Variants in ADAMTS17 observed in about 807,000 individuals in gnomAD.
ADAMTS17 encodes the protein A disintegrin and metalloproteinase with thrombospondin motifs 17.
ADAMTS17 carries 113 observed loss-of-function variants against 141.5 expected under a neutral mutation model. That is an observed-to-expected ratio of 0.80 (90% CI 0.69 to 0.93). The LOEUF (loss-of-function observed/expected upper bound fraction) is 0.93. Among genes scored for constraint, ADAMTS17 ranks in the 40% least tolerant of loss-of-function variants. ADAMTS17 has a pLI of 0.00. For missense variants in ADAMTS17, 1,659 were observed against 1,517.9 expected (o/e 1.09, Z -1.54); for synonymous variants, 768 against 630.6 (o/e 1.22, Z -3.27).
At chr15:100,271,810 C>G (rs558976104) in intron 4 of ADAMTS17, among the ~76,000 whole-genome samples, 31 of 152,288 alleles carry the variant, frequency 2.0e-4, no homozygotes, top group African/African-American at 7.0e-4. Context: ...ACTGCCAAAT[C>G]AAATCTCACA....
chr15:100,244,717 C>T (rs887786661), intron 7 of ADAMTS17, among the ~76,000 whole-genome samples: 2 of 152,062 alleles, frequency 1.3e-5, no homozygotes, highest in Admixed American at 6.6e-5. Context: ...TCTCAGCCTG[C>T]GATTTCCTCG....
rs4369638 is a variant in ADAMTS17, at chr15:100,254,158, C to T, written c.1053G>A (p.Lys351=). The change falls in exon 7 of 22, where the codon AAG becomes AAA. Residue 351 remains lysine (K), a synonymous_variant. Transcript: ENST00000268070. ...TACCAACAGTGTCACACGGTTCATC[C>T]TTGTGTACACAGAAATCTGTCCTAA... ...FVTRTDFCVH[K]DEPCDTVGIA... is the part of the protein sequence containing the mutation. 0.73 allele frequency: 1,173,617 copies of T among 1,611,278 alleles called. 429,738 individuals carry two copies. Among genetic ancestry groups the T allele is most frequent in the East Asian group, 0.9 (40,268 of 44,864 alleles).
In ADAMTS17 at chr15:100,116,858, A is replaced by G. The variant is rs774035114; in HGVS notation, c.1877T>C (p.Val626Ala). The stretch of plus-strand genomic sequence containing the variant: ...CCATATGCCTTTACCGTCAACCACC[A>G]CGGCTGTCAGCAGGCCTTTCTTCTT... ...SPKKKGLLTA[V>A]VVDDKPCELY... Residue 626 changes from valine (V) to alanine (A), a missense_variant, in exon 13 of 22, where the codon GTG (valine) becomes GCG (alanine). Transcript: ENST00000268070. 4.7e-5 allele frequency: 76 copies of G among 1,614,022 alleles called. No homozygotes were observed. The East Asian group carries it at 1.3e-3, about 27-fold the overall frequency.
rs113378221 is a variant in ADAMTS17, at chr15:100,243,680, C to T, written c.1075+10456G>A. ...TGGCGCATGCCTGTAATCCCAGCTA[C>T]GTGGGAGGCTGAGGCAGGAGAACTG... On this transcript the variant is annotated intron_variant, in intron 7 of 21. Coordinates refer to ENST00000268070, the MANE Select transcript of ADAMTS17 (RefSeq NM_139057.4). 5.2e-3 allele frequency among the ~76,000 whole-genome samples: 787 copies of T among 151,632 alleles called. 5 individuals carry two copies. The highest frequency in any genetic ancestry group is 0.021 in the Middle Eastern group (6 of 292).
chr15:100,125,107 T>A (rs2037662724), intron 12 of ADAMTS17, among the ~76,000 whole-genome samples: 1 of 152,204 alleles, frequency 6.6e-6, no homozygotes, highest in Non-Finnish European at 1.5e-5. Flanking sequence ...GGACGCTCAG[T>A]ACAAACCTGG....
chr15:100,048,724 A>C, intron 18 of ADAMTS17, 133 bp downstream of exon 18: 1 of 1,409,396 alleles, frequency 7.1e-7, no homozygotes. Flanking sequence ...GAGCAAGCGG[A>C]AATCTCTCAT....
At position 99,973,410 on chromosome 15, in the gene ADAMTS17, TGTC is replaced by T. The variant is rs1186072298; in HGVS notation, c.*989_*991del. On this transcript the variant is annotated 3_prime_UTR_variant, in exon 22 of 22. Transcript: ENST00000268070. ...GGCTTGTGTCCTCAGAGGTCCCAAA[TGTC>T]GTCTTACCTTCAGATAAATGGCCAC... 2.0e-5 allele frequency: 3 copies of T among 152,170 alleles called. No homozygotes were observed. Among genetic ancestry groups the T allele is most frequent in the African/African-American group, 4.8e-5 (2 of 41,392 alleles). The allele number at this position is 152,170 out of a possible 1,614,324, so 9.4% of individuals were successfully genotyped here.
rs114077960 is a variant in ADAMTS17, at chr15:100,051,402, G to C, written c.2455+170C>G. ...GGGCATGACCCTAGTGTGGGAGTTGGGAAGACTCTGTCCAAGTATTCTGCA... is the reference window on the plus strand; with the variant it reads ...GGGCATGACCCTAGTGTGGGAGTTGCGAAGACTCTGTCCAAGTATTCTGCA... On this transcript the variant is annotated intron_variant, in intron 17 of 21. Transcript: ENST00000268070. Among the ~76,000 whole-genome samples, 1,217 of 152,316 alleles carry C rather than the reference G, an allele frequency of 8.0e-3. 15 individuals carry two copies. The highest frequency in any genetic ancestry group is 0.028 in the African/African-American group (1,178 of 41,558).
intron 3 of ADAMTS17, among the ~76,000 whole-genome samples, chr15:100,313,249 T>C (rs140080948): frequency 2.0e-5 from 3 of 152,268 alleles, no homozygotes; most frequent in East Asian, 1.9e-4. Context: ...ATATCACATA[T>C]GAATATGGAT....
At chr15:100,047,480 C>G (rs1028840723) in intron 18 of ADAMTS17, among the ~76,000 whole-genome samples, 4 of 151,686 alleles carry the variant, frequency 2.6e-5, no homozygotes, top group African/African-American at 9.7e-5. Context: ...CCCCCGGATG[C>G]CCAGCTTTAA....
chr15:100,081,587 T>C (rs1230142305), intron 15 of ADAMTS17, among the ~76,000 whole-genome samples: 2 of 152,236 alleles, frequency 1.3e-5, no homozygotes, highest in Admixed American at 6.5e-5. Context: ...TTCTTATGCA[T>C]AGATATAATG....
intron 3 of ADAMTS17, among the ~76,000 whole-genome samples, chr15:100,308,725 G>A (rs997946709): frequency 3.3e-5 from 5 of 152,046 alleles, no homozygotes; most frequent in East Asian, 1.9e-4. Flanking sequence ...TTCTTCTGCC[G>A]GCTACTTTCT....
intron 3 of ADAMTS17, among the ~76,000 whole-genome samples, chr15:100,296,927 G>C (rs530292480): frequency 6.6e-6 from 1 of 152,224 alleles, no homozygotes; most frequent in Non-Finnish European, 1.5e-5. Context: ...CATCTAGAAG[G>C]AGCAGACATT....
intron 20 of ADAMTS17, among the ~76,000 whole-genome samples, chr15:99,992,066 A>C (rs1306048794): frequency 1.3e-5 from 2 of 152,110 alleles, no homozygotes; most frequent in Non-Finnish European, 2.9e-5. Context: ...ACAAATACCT[A>C]ATGCATCTGG....
intron 19 of ADAMTS17, among the ~76,000 whole-genome samples, chr15:99,996,291 C>T (rs2060801210): frequency 6.6e-6 from 1 of 152,034 alleles, no homozygotes; most frequent in South Asian, 2.1e-4. Flanking sequence ...CTGATCAAAG[C>T]ACAAGTCTTA....
Position 100,221,343 on chromosome 15 carries a change from CAT to C in ADAMTS17, c.1076-21922_1076-21921del, listed in dbSNP as rs1450731819. 5.9e-5 allele frequency among the ~76,000 whole-genome samples: 9 copies of C among 151,808 alleles called. No individual in the cohort carries two copies. In the South Asian group the frequency reaches 8.3e-4, roughly 14 times the overall value. On this transcript the variant is annotated intron_variant, in intron 7 of 21. Coordinates refer to ENST00000268070, the MANE Select transcript of ADAMTS17 (RefSeq NM_139057.4). ...CTGTAGACTCTTGAGTCCCGCATAGCATATGTGTGTGTGTTTTAAGGAGAGAA... is the reference window on the plus strand; with the variant it reads ...CTGTAGACTCTTGAGTCCCGCATAGCATGTGTGTGTGTTTTAAGGAGAGAA...
chr15:100,296,107 G>A (rs1405957378), intron 3 of ADAMTS17, among the ~76,000 whole-genome samples: 2 of 152,064 alleles, frequency 1.3e-5, no homozygotes, highest in Non-Finnish European at 2.9e-5. Context: ...ACAGATTCGG[G>A]GTCAATGTGG....
chr15:100,145,994 G>A (rs1489832107), intron 10 of ADAMTS17, among the ~76,000 whole-genome samples: 1 of 152,182 alleles, frequency 6.6e-6, no homozygotes, highest in African/African-American at 2.4e-5. Context: ...CCAACACGGT[G>A]GAACCCCATC....
chr15:100,120,326 T>C (rs931202469), intron 12 of ADAMTS17, among the ~76,000 whole-genome samples: 1 of 152,224 alleles, frequency 6.6e-6, no homozygotes, highest in African/African-American at 2.4e-5. Flanking sequence ...TTACTGCCCA[T>C]CCTTCACCCA....
Sources: allele counts gnomAD v4.1 joint callset (sites outside exome capture counted in the v4.1 genomes callset), GRCh38; gene constraint gnomAD v4.1.1; transcripts MANE v1.5; gene names NCBI Gene and HGNC (gene_info 2026-07-23, HGNC 2026-07-21).